The following CCR3 variants were observed in gnomAD, a reference collection of about 807,000 sequenced individuals.
CCR3 encodes the protein C-C motif chemokine receptor 3.
For synonymous variants in CCR3, 203 were observed against 179.2 expected (o/e 1.13, Z -1.06); for missense variants, 419 against 437.5 (o/e 0.96, Z 0.38).
At chr3:46,238,092 T>C (rs996951889), upstream of CCR3, among the ~76,000 whole-genome samples, 2 of 152,242 alleles carry the variant, frequency 1.3e-5, no homozygotes, top group African/African-American at 2.4e-5. Flanking sequence ...GACAGATTGA[T>C]ACTTTTAGTT....
At chr3:46,255,971 T>C (rs559610066) in intron 1 of CCR3, among the ~76,000 whole-genome samples, 1 of 152,060 alleles carries the variant, frequency 6.6e-6, no homozygotes, top group Non-Finnish European at 1.5e-5. Flanking sequence ...TTACATGAAT[T>C]TGTAGGTTGT....
At chr3:46,258,312 A>G (rs919649017) in intron 1 of CCR3, among the ~76,000 whole-genome samples, 10 of 152,212 alleles carry the variant, frequency 6.6e-5, no homozygotes, top group African/African-American at 1.9e-4. Flanking sequence ...TCTTAACACG[A>G]TGCAACTAAC....
intron 2 of CCR3, among the ~76,000 whole-genome samples, chr3:46,233,469 C>T (rs1491957): frequency 0.56 from 85,195 of 151,942 alleles, 24,052 homozygotes; most frequent in Middle Eastern, 0.63. Flanking sequence ...AGGTTCTTTG[C>T]TTTTCCCCTC....
At chr3:46,217,720 G>A (rs1575484375) in intron 2 of CCR3, among the ~76,000 whole-genome samples, 1 of 151,854 alleles carries the variant, frequency 6.6e-6, no homozygotes, top group Non-Finnish European at 1.5e-5. Flanking sequence ...ATGATCCTTG[G>A]GTTAACTATA....
chr3:46,220,797 T>A (rs1395136627), intron 2 of CCR3, among the ~76,000 whole-genome samples: 3 of 152,094 alleles, frequency 2.0e-5, no homozygotes, highest in Non-Finnish European at 2.9e-5. Flanking sequence ...GTGGAAGCTA[T>A]GCTGTGAGGA....
chr3:46,252,484 T>C (rs1700335296), intron 1 of CCR3, among the ~76,000 whole-genome samples: 1 of 152,082 alleles, frequency 6.6e-6, no homozygotes, highest in Admixed American at 6.5e-5. Flanking sequence ...CAGCCAAGTG[T>C]CTCTCTTATC....
chr3:46,220,711 A>G (rs934547848), intron 2 of CCR3, among the ~76,000 whole-genome samples: 1 of 152,274 alleles, frequency 6.6e-6, no homozygotes. Flanking sequence ...AGCAACCTGG[A>G]TGGAGTTGGA....
upstream of CCR3, among the ~76,000 whole-genome samples, chr3:46,239,628 C>A (rs1700059043): frequency 6.6e-6 from 1 of 152,234 alleles, no homozygotes; most frequent in Non-Finnish European, 1.5e-5. Context: ...GGAATTTCCA[C>A]TCCACCATTT....
chr3:46,258,038 C>T (rs1700460814), intron 1 of CCR3, among the ~76,000 whole-genome samples: 1 of 152,190 alleles, frequency 6.6e-6, no homozygotes. Context: ...TCTTCAGGCC[C>T]CCAGCTGATT....
Position 46,265,859 on chromosome 3 carries a change from A to AT in CCR3, c.701_702insT (p.Lys234AsnfsTer39). The AT allele has an allele frequency of 6.2e-7, 1 of 1,614,104 alleles. No individual in the cohort carries two copies. Among genetic ancestry groups the AT allele is most frequent in the Non-Finnish European group, 8.5e-7 (1 of 1,179,988 alleles). On this transcript the variant is annotated frameshift_variant, in exon 2 of 2. Transcript: ENST00000395940. LOFTEE classifies it low-confidence loss of function (END_TRUNC). ...CTGCTGAGGTGCCCCAGTAAAAAAA[A>AT]GTACAAGGCCATCCGGCTCATTTTT... is the stretch of plus-strand genomic sequence containing the variant.
chr3:46,249,916 A>C (rs1465087482), intron 1 of CCR3, among the ~76,000 whole-genome samples: 1 of 152,030 alleles, frequency 6.6e-6, no homozygotes, highest in African/African-American at 2.4e-5. Flanking sequence ...GAGGTTAATT[A>C]AGTCCTGTTG....
intron 2 of CCR3, among the ~76,000 whole-genome samples, chr3:46,224,736 A>G (rs1226792280): frequency 2.2e-5 from 3 of 134,336 alleles, no homozygotes; most frequent in Non-Finnish European, 4.8e-5. Flanking sequence ...GACTCTGTCA[A>G]AAAAAAAAAA....
At chr3:46,221,592 G>T (rs1003080017) in intron 2 of CCR3, among the ~76,000 whole-genome samples, 1 of 152,138 alleles carries the variant, frequency 6.6e-6, no homozygotes, top group African/African-American at 2.4e-5. Context: ...GCCTGCAGTT[G>T]AGGCATCTTG....
upstream of CCR3, chr3:46,242,343 A>G (rs181304619): frequency 1.4e-4 from 21 of 152,296 alleles, no homozygotes; most frequent in African/African-American, 4.8e-4. Context: ...AGGAAGTTAT[A>G]TACTTACATT....
intron 2 of CCR3, among the ~76,000 whole-genome samples, chr3:46,228,973 CTCTT>C (rs749905768): frequency 3.9e-5 from 6 of 152,176 alleles, no homozygotes; most frequent in Non-Finnish European, 5.9e-5. Flanking sequence ...GTGTCAATGT[CTCTT>C]TCTTCTTCCT....
chr3:46,242,130 C>CT (rs907133443), upstream of CCR3, among the ~76,000 whole-genome samples: 4 of 120,828 alleles, frequency 3.3e-5, no homozygotes, highest in African/African-American at 1.0e-4. Context: ...GAAATCCTGT[C>CT]TTAAAAAAAA....
At chr3:46,242,691 A>G (rs1212881563) in intron 1 of CCR3, among the ~76,000 whole-genome samples, 153 bp downstream of exon 1, 1 of 151,788 alleles carries the variant, frequency 6.6e-6, no homozygotes, top group African/African-American at 2.4e-5. Context: ...GTGGGAGAAA[A>G]TATGGCCACA....
intron 1 of CCR3, among the ~76,000 whole-genome samples, chr3:46,251,881 G>T (rs1167028371): frequency 6.6e-6 from 1 of 152,076 alleles, no homozygotes; most frequent in Non-Finnish European, 1.5e-5. Flanking sequence ...CTTTCACAAG[G>T]TAATGTCATC....
Position 46,266,075 on chromosome 3 carries a change from A to G in CCR3, c.917A>G (p.Glu306Gly), listed in dbSNP as rs748510021. Residue 306 changes from glutamate (E) to glycine (G), a missense_variant, in exon 2 of 2, where the codon GAG becomes GGG. Glu to Gly is a moderately conservative substitution (Grantham distance 98, BLOSUM62 -2). Coordinates refer to ENST00000395940, the MANE Select transcript of CCR3 (RefSeq NM_178329.3). Reference protein sequence around the residue: ...MNPVIYAFVGERFRKYLRHFF... With the variant: ...MNPVIYAFVGGRFRKYLRHFF... ...CCGGTGATCTACGCCTTTGTTGGAGAGAGGTTCCGGAAGTACCTGCGCCAC... is the reference window on the plus strand; with the variant it reads ...CCGGTGATCTACGCCTTTGTTGGAGGGAGGTTCCGGAAGTACCTGCGCCAC... 2.5e-6 allele frequency: 4 copies of G among 1,613,884 alleles called. No homozygotes were observed. Among genetic ancestry groups the G allele is most frequent in the South Asian group, 1.1e-5 (1 of 91,066 alleles).
Sources: allele counts gnomAD v4.1 joint callset (sites outside exome capture counted in the v4.1 genomes callset), GRCh38; gene constraint gnomAD v4.1.1; transcripts MANE v1.5; gene names NCBI Gene and HGNC (gene_info 2026-07-23, HGNC 2026-07-21).